The following ADCY1 variants were observed in gnomAD, a reference collection of about 807,000 sequenced individuals.
The protein encoded by ADCY1 is adenylate cyclase 1, also known as adenylate cyclase type 1.
Under a neutral mutation model 105.4 loss-of-function variants are expected in ADCY1, and 28 were observed. The observed-to-expected ratio is 0.27, with a 90% CI of 0.20 to 0.36. The LOEUF is 0.36. Ranked by LOEUF, ADCY1 falls within the 10% of genes least tolerant of loss-of-function variation. The pLI, the probability that ADCY1 is intolerant of heterozygous loss-of-function variation, is 1.00. For missense variants in ADCY1, 977 were observed against 1,434.2 expected, an observed-to-expected ratio of 0.68 and a Z score of 5.15; for synonymous variants, 655 against 623.8, an observed-to-expected ratio of 1.05 and a Z score of -0.75.
At chr7:45,692,556 A>G (rs1784803898) in intron 14 of ADCY1, among the ~76,000 whole-genome samples, 1 of 152,236 alleles carries the variant, frequency 6.6e-6, no homozygotes, top group African/African-American at 2.4e-5. Context: ...AGGAAAGGGC[A>G]GAGTGCTAGG....
intron 14 of ADCY1, among the ~76,000 whole-genome samples, chr7:45,693,096 C>T (rs2065059147): frequency 6.6e-6 from 1 of 152,172 alleles, no homozygotes; most frequent in Non-Finnish European, 1.5e-5. Context: ...TCCAACATTC[C>T]TTTCGAAAAG....
intron 4 of ADCY1, among the ~76,000 whole-genome samples, chr7:45,627,592 C>T (rs1206856212): frequency 1.3e-5 from 2 of 152,136 alleles, no homozygotes; most frequent in South Asian, 2.1e-4. Flanking sequence ...TGGCCTGTTA[C>T]CTGAAGCTGG....
At chr7:45,655,870 T>C (rs529454942) in intron 5 of ADCY1, among the ~76,000 whole-genome samples, 99 of 152,272 alleles carry the variant, frequency 6.5e-4, no homozygotes, top group African/African-American at 2.4e-3. Flanking sequence ...TAGTATGTTA[T>C]GTTATTTACA....
chr7:45,594,035 G>A (rs1291228154), intron 2 of ADCY1, among the ~76,000 whole-genome samples: 1 of 152,192 alleles, frequency 6.6e-6, no homozygotes, highest in African/African-American at 2.4e-5. Flanking sequence ...CTGTACATGT[G>A]TGCATGTGTG....
Position 45,660,162 on chromosome 7 carries a change from T to TGTGCC in ADCY1, c.1429_1433dup (p.Ser479CysfsTer12), listed in dbSNP as rs1251565977. 1 of 1,614,242 alleles carries TGTGCC rather than the reference T, an allele frequency of 6.2e-7. No individual in the cohort carries two copies. Among genetic ancestry groups the TGTGCC allele is most frequent in the East Asian group, 2.2e-5 (1 of 44,882 alleles). ...CTCATAACATCGAAACCTTTTTTAT[T>TGTGCC]GTGCCATCCCATCGCCGAAAGGTAG... On this transcript the variant is annotated frameshift_variant, in exon 7 of 20. Transcript: ENST00000297323. LOFTEE classifies it high-confidence loss of function.
intron 4 of ADCY1, among the ~76,000 whole-genome samples, chr7:45,643,053 G>C (rs1794567943): frequency 6.7e-6 from 1 of 149,602 alleles, no homozygotes; most frequent in Non-Finnish European, 1.5e-5. Flanking sequence ...TTTTATTTTT[G>C]GTGTTAAATT....
intron 18 of ADCY1, among the ~76,000 whole-genome samples, chr7:45,709,863 G>T (rs896347922): frequency 1.3e-5 from 2 of 152,190 alleles, no homozygotes; most frequent in Admixed American, 1.3e-4. Flanking sequence ...GGAAGTCCAG[G>T]CTCAGAGAGG....
At chr7:45,633,498 T>C (rs1314480056) in intron 4 of ADCY1, among the ~76,000 whole-genome samples, 2 of 152,108 alleles carry the variant, frequency 1.3e-5, no homozygotes, top group Non-Finnish European at 2.9e-5. Context: ...CAAAAGTAAT[T>C]GTGGTTTTTG....
At chr7:45,641,339 C>T (rs1258944796) in intron 4 of ADCY1, among the ~76,000 whole-genome samples, 1 of 152,170 alleles carries the variant, frequency 6.6e-6, no homozygotes, top group African/African-American at 2.4e-5. Context: ...TGCTCCCATA[C>T]CCCAGTTCTG....
intron 4 of ADCY1, 58 bp downstream of exon 4, chr7:45,622,801 TA>T: frequency 7.3e-7 from 1 of 1,364,622 alleles, no homozygotes; most frequent in African/African-American, 1.4e-5. Context: ...GGAGTGACGA[TA>T]AGCCAGGTGG....
intron 1 of ADCY1, among the ~76,000 whole-genome samples, chr7:45,586,794 G>A (rs1412127311): frequency 1.3e-5 from 2 of 152,256 alleles, no homozygotes; most frequent in Admixed American, 6.5e-5. Context: ...GCTGATCGCA[G>A]TCTGGGAATT....
chr7:45,623,178 G>A (rs1381969705), intron 4 of ADCY1, among the ~76,000 whole-genome samples: 1 of 152,200 alleles, frequency 6.6e-6, no homozygotes, highest in East Asian at 1.9e-4. Context: ...GTCAGCTGGG[G>A]GCCCAGTTGC....
intron 1 of ADCY1, among the ~76,000 whole-genome samples, chr7:45,578,623 C>T (rs1792422066): frequency 6.6e-6 from 1 of 152,186 alleles, no homozygotes; most frequent in South Asian, 2.1e-4. Flanking sequence ...CACTCACAGA[C>T]TCAGAGAGCC....
chr7:45,716,099 C>G lies in ADCY1; in HGVS notation c.*2104C>G, dbSNP rs535635696. 6.5e-6 allele frequency: 1 copy of G among 152,824 alleles called. No homozygotes were observed. The highest frequency in any genetic ancestry group is 2.4e-5 in the African/African-American group (1 of 41,590). 9.5% of individuals were successfully genotyped at this position (152,824 alleles called of 1,614,324 possible). On this transcript the variant is annotated 3_prime_UTR_variant, in exon 20 of 20. Coordinates refer to ENST00000297323, the MANE Select transcript of ADCY1 (RefSeq NM_021116.4). ...CTCATGTCGCTGTCCGCTCATGTTC[C>G]TGGTGTTCTGGCATCACCTTGTGCC...
At chr7:45,612,137 GTCC>G (rs1793610284) in intron 3 of ADCY1, among the ~76,000 whole-genome samples, 1 of 152,174 alleles carries the variant, frequency 6.6e-6, no homozygotes, top group South Asian at 2.1e-4. Context: ...GACCAGTGTT[GTCC>G]TCCTTCTGCA....
rs1562731824 is a variant in ADCY1 at position 45,703,693 on chromosome 7, A to T, written c.2665A>T (p.Met889Leu). Residue 889 changes from methionine to leucine, a missense_variant, in exon 16 of 20, where the codon ATG (methionine) becomes TTG (leucine). Transcript: ENST00000297323. This position sits in a 1 kb window ranked among gnomAD's most constrained non-coding sequence, Gnocchi z 5.9. The stretch of plus-strand genomic sequence containing the variant: ...CTACATCGAGCTGGACGGCAACAAC[A>T]TGGGGGTGGAGTGTCTGCGGCTTCT... ...DFYIELDGNNMGVECLRLLNE... is the reference protein window; with the variant it reads ...DFYIELDGNNLGVECLRLLNE... The T allele has an allele frequency of 6.2e-7, 1 of 1,611,502 alleles. No homozygotes were observed. The highest frequency in any genetic ancestry group is 1.7e-5 in the Admixed American group (1 of 59,746).
In ADCY1 at chr7:45,647,840, A is replaced by G. The variant is rs11767872; in HGVS notation, c.1021-830A>G. 2.1e-3 allele frequency among the ~76,000 whole-genome samples: 315 copies of G among 152,382 alleles called. 1 individual carries two copies. Among genetic ancestry groups the G allele is most frequent in the Non-Finnish European group, 3.3e-3 (227 of 68,040 alleles). On this transcript the variant is annotated intron_variant, in intron 4 of 19. Coordinates refer to ENST00000297323, the MANE Select transcript of ADCY1 (RefSeq NM_021116.4). This position sits in a 1 kb window ranked among gnomAD's most constrained non-coding sequence, Gnocchi z 4.6. Reference sequence around the variant, plus strand: ...CATGAAAAAATTCTTATTGTTAAATATCAGTAGCTATAACCCACCTACACA... The same window carrying G: ...CATGAAAAAATTCTTATTGTTAAATGTCAGTAGCTATAACCCACCTACACA...
At chr7:45,694,033 T>G (rs1273232802) in intron 14 of ADCY1, among the ~76,000 whole-genome samples, 1 of 125,474 alleles carries the variant, frequency 8.0e-6, no homozygotes, top group Non-Finnish European at 1.6e-5. Context: ...CATTAGTGGG[T>G]GCAGCGCACC....
chr7:45,605,941 A>G (rs928936707), intron 2 of ADCY1, among the ~76,000 whole-genome samples: 1 of 151,920 alleles, frequency 6.6e-6, no homozygotes, highest in African/African-American at 2.4e-5. Context: ...TATTATTTGG[A>G]CATTTTGTTT....
Sources: gnomAD v4.1 joint callset for allele counts (sites outside exome capture counted in the v4.1 genomes callset) on GRCh38, gnomAD v4.1.1 for gene constraint, Gnocchi (gnomAD v3.1) non-coding constraint, MANE v1.5 for transcripts, NCBI Gene and HGNC (gene_info 2026-07-23, HGNC 2026-07-21) for gene names.